Variants in GLB1L3 observed in about 807,000 individuals in gnomAD.
GLB1L3 encodes galactosidase beta 1 like 3.
GLB1L3 carries 89 observed loss-of-function variants against 89.5 expected under a neutral mutation model. The ratio of observed to expected loss-of-function variants is 0.99; its 90% confidence interval spans 0.84 to 1.19. GLB1L3 has a LOEUF of 1.19. Among genes scored for constraint, GLB1L3 ranks in the 50% most tolerant of loss-of-function variants. GLB1L3 has a pLI of 0.00. For synonymous variants in GLB1L3, 314 were observed against 312.3 expected, an observed-to-expected ratio of 1.01 and a Z score of -0.06; for missense variants, 812 against 813.3, an observed-to-expected ratio of 1.00 and a Z score of 0.02.
intron 9 of GLB1L3, among the ~76,000 whole-genome samples, chr11:134,302,608 T>C (rs1942003558): frequency 6.6e-6 from 1 of 152,214 alleles, no homozygotes; most frequent in Admixed American, 6.5e-5. Context: ...GAAAATTCTA[T>C]GTACTAAGGT....
At chr11:134,308,241 C>T (rs865939195) in intron 10 of GLB1L3, among the ~76,000 whole-genome samples, 107 of 40,524 alleles carry the variant, frequency 2.6e-3, no homozygotes, top group Non-Finnish European at 4.6e-3. Flanking sequence ...ACCACCATCA[C>T]CATCACCACC....
intron 9 of GLB1L3, chr11:134,305,111 C>T: frequency 6.5e-7 from 1 of 1,548,526 alleles, no homozygotes; most frequent in Non-Finnish European, 8.7e-7. Context: ...TTCTCTCCTC[C>T]CAGGGAGCCA....
Position 134,277,680 on chromosome 11 carries a change from C to T in GLB1L3, c.150-20C>T, listed in dbSNP as rs1940453105. The T allele has an allele frequency of 2.5e-6, 4 of 1,588,290 alleles. No individual in the cohort carries two copies. The African/African-American group carries it at 4.0e-5, about 16-fold the overall frequency. On this transcript the variant is annotated intron_variant, in intron 2 of 19. Transcript: ENST00000431683. The stretch of plus-strand genomic sequence containing the variant: ...TCCTCTCTCCCTTTCCACTTTCTTT[C>T]CCTCGCCCGCCCCCTCCAGGTTTAA...
intron 5 of GLB1L3, 95 bp downstream of exon 5, chr11:134,282,215 A>G: frequency 7.2e-7 from 1 of 1,394,336 alleles, no homozygotes. Context: ...AGTAACCTTT[A>G]TTCACGGAGC....
chr11:134,308,556 T>TCACCATCACCATCATCACCATCACCTC (rs1565414471), intron 10 of GLB1L3, among the ~76,000 whole-genome samples: 1 of 57,522 alleles, frequency 1.7e-5, no homozygotes, highest in Non-Finnish European at 3.1e-5. Context: ...ACCATCACCA[T>TCACCATCACCATCATCACCATCACCTC]CACCACCACC....
chr11:134,276,979 T>C (rs1940400703), intron 1 of GLB1L3, among the ~76,000 whole-genome samples: 1 of 152,142 alleles, frequency 6.6e-6, no homozygotes, highest in African/African-American at 2.4e-5. Flanking sequence ...AAAATCAGGG[T>C]GGGGCACGCA....
At position 134,313,569 on chromosome 11, in the gene GLB1L3, C is replaced by T. The variant is rs563043001; in HGVS notation, c.1579+95C>T. The T allele has an allele frequency of 7.9e-4, 841 of 1,070,824 alleles. 7 individuals carry two copies. In the African/African-American group the frequency reaches 0.011, roughly 14 times the overall value. The allele number at this position is 1,070,824 out of a possible 1,614,324, so 66.3% of individuals were successfully genotyped here. On this transcript the variant is annotated intron_variant, in intron 16 of 19. Transcript: ENST00000431683. ...GGCGGGAGAGGGTGGGGAAACCAGC[C>T]GCTCAGCAGTGGGCTACCCAGGCCC... is the stretch of plus-strand genomic sequence containing the variant.
chr11:134,282,052 C>G lies in GLB1L3; in HGVS notation c.459C>G (p.Ile153Met). Residue 153 changes from isoleucine (I) to methionine (M), a missense_variant, in exon 5 of 20, where the codon ATC becomes ATG. By Grantham distance (10) the Ile-to-Met change is conservative (BLOSUM62 1). This residue lies in a region of GLB1L3 where 191 missense variants were observed against 191.4 expected (regional missense o/e 1.00). Transcript: ENST00000431683. Reference sequence around the variant, plus strand: ...CCTTCGTCCTGATGGCCGCAGAGATCGGGCTGTGGGTGATTCTGCGTCCAG... The same window carrying G: ...CCTTCGTCCTGATGGCCGCAGAGATGGGGCTGTGGGTGATTCTGCGTCCAG... ...LEAFVLMAAEIGLWVILRPGR... is the reference protein window; with the variant it reads ...LEAFVLMAAEMGLWVILRPGR... The G allele has an allele frequency of 6.4e-7, 1 of 1,569,252 alleles. No individual in the cohort carries two copies. Among genetic ancestry groups the G allele is most frequent in the Non-Finnish European group, 8.7e-7 (1 of 1,153,008 alleles).
chr11:134,322,665 C>A (rs1943181447), downstream of GLB1L3, among the ~76,000 whole-genome samples: 1 of 152,138 alleles, frequency 6.6e-6, no homozygotes, highest in Non-Finnish European at 1.5e-5. Flanking sequence ...AAAGTGGAAT[C>A]GAATATGTGA....
chr11:134,319,242 C>T lies in GLB1L3; in HGVS notation c.*300C>T. 3.8e-6 allele frequency: 1 copy of T among 260,728 alleles called. No homozygotes were observed. Among genetic ancestry groups the T allele is most frequent in the Non-Finnish European group, 7.3e-6 (1 of 137,046 alleles). 16.2% of individuals were successfully genotyped at this position (260,728 alleles called of 1,614,324 possible). A position where few individuals can be genotyped will look rare whatever the true frequency, so the allele number is the denominator to read the frequency against. ...GTACTGGGATTACAGGCGTGAGCCA[C>T]CACTCCCGGCCGTGAACATATTTTT... On this transcript the variant is annotated 3_prime_UTR_variant, in exon 20 of 20. Coordinates refer to ENST00000431683, the MANE Select transcript of GLB1L3 (RefSeq NM_001080407.3).
intron 10 of GLB1L3, among the ~76,000 whole-genome samples, chr11:134,308,587 CAT>C (rs1942530545): frequency 6.9e-6 from 1 of 145,826 alleles, no homozygotes; most frequent in Non-Finnish European, 1.5e-5. Flanking sequence ...CCATCACCAT[CAT>C]CACCATCACC....
chr11:134,316,040 T>C (rs1271117237), intron 18 of GLB1L3, among the ~76,000 whole-genome samples: 4 of 152,194 alleles, frequency 2.6e-5, no homozygotes, highest in African/African-American at 9.7e-5. Flanking sequence ...TAGTCTTTCA[T>C]GCCTTCACAA....
At chr11:134,288,352 A>G (rs1006518205) in intron 6 of GLB1L3, among the ~76,000 whole-genome samples, 1 of 152,138 alleles carries the variant, frequency 6.6e-6, no homozygotes. Flanking sequence ...CATGGAGGTC[A>G]GCTTGTTGCA....
At chr11:134,277,962 C>T (rs1409234126) in intron 3 of GLB1L3, 50 bp downstream of exon 3, 4 of 1,584,722 alleles carry the variant, frequency 2.5e-6, no homozygotes, top group Non-Finnish European at 3.4e-6. Flanking sequence ...ACAAGTGCAT[C>T]CTGGCCGGGA....
In GLB1L3 at chr11:134,288,868, CAT is replaced by C. The variant is rs541141148; in HGVS notation, c.709_710del (p.Tyr237HisfsTer21). ...TATGGCTCATTCAATAAGGATAAAACATACATGCCGTATCTCCACAAGGTAAG... is the reference window on the plus strand; with the variant it reads ...TATGGCTCATTCAATAAGGATAAAACACATGCCGTATCTCCACAAGGTAAG... On this transcript the variant is annotated frameshift_variant, in exon 7 of 20. Coordinates refer to ENST00000431683, the MANE Select transcript of GLB1L3 (RefSeq NM_001080407.3). LOFTEE classifies it high-confidence loss of function. The C allele has an allele frequency of 4.7e-5, 76 of 1,612,236 alleles. 1 individual carries two copies. In the Admixed American group the frequency reaches 8.9e-4, roughly 19 times the overall value.
intron 18 of GLB1L3, among the ~76,000 whole-genome samples, chr11:134,315,756 CTGTGT>C (rs1232938287): frequency 6.6e-6 from 1 of 152,020 alleles, no homozygotes; most frequent in African/African-American, 2.4e-5. Flanking sequence ...ATGACTCTTA[CTGTGT>C]TAAGTATTTA....
intron 9 of GLB1L3, among the ~76,000 whole-genome samples, chr11:134,293,836 G>C (rs969711874): frequency 2.2e-4 from 33 of 152,078 alleles, no homozygotes; most frequent in African/African-American, 7.0e-4. Flanking sequence ...ACCCTCTCCT[G>C]GTTGTCCTTT....
intron 17 of GLB1L3, 109 bp from the exon 18 acceptor site, chr11:134,314,221 A>G (rs924271502): frequency 1.8e-5 from 14 of 770,456 alleles, no homozygotes; most frequent in Admixed American, 4.9e-5. Flanking sequence ...AGTCTACTCT[A>G]TCTCATTGAA....
At chr11:134,281,300 T>C in intron 3 of GLB1L3, 77 bp from the exon 4 acceptor site, 1 of 1,560,354 alleles carries the variant, frequency 6.4e-7, no homozygotes, top group Non-Finnish European at 8.8e-7. Flanking sequence ...GGTTTTGGCT[T>C]GGATTTGGGG....
Sources: allele counts gnomAD v4.1 joint callset (sites outside exome capture counted in the v4.1 genomes callset), GRCh38; gene constraint gnomAD v4.1.1; regional missense constraint gnomAD v4.1.1; transcripts MANE v1.5; gene names NCBI Gene and HGNC (gene_info 2026-07-23, HGNC 2026-07-21).